The following CAST variants were observed in gnomAD, a reference collection of about 807,000 sequenced individuals.
The protein encoded by CAST is MIR583 host.
Under a neutral mutation model 119.6 loss-of-function variants are expected in CAST, and 76 were observed. The observed-to-expected ratio is 0.64, with a 90% confidence interval of 0.53 to 0.77. CAST has a LOEUF of 0.77. Among genes scored for constraint, CAST ranks in the 30% least tolerant of loss-of-function variants. The pLI is 0.00. For missense variants in CAST, 953 were observed against 946.5 expected (o/e 1.01, Z -0.09); for synonymous variants, 319 against 331.6 (o/e 0.96, Z 0.41).
chr5:96,042,999 T>C, the CAST span, among the ~76,000 whole-genome samples: 6 of 152,092 alleles, frequency 3.9e-5, no homozygotes, highest in Non-Finnish European at 8.8e-5. Context: ...CAATGCTGAG[T>C]ATATTGTATC....
At chr5:96,040,827 A>T in the CAST span, among the ~76,000 whole-genome samples, 2 of 152,090 alleles carry the variant, frequency 1.3e-5, no homozygotes, top group South Asian at 4.2e-4. Flanking sequence ...TTGGCCTAAA[A>T]TTCTCTTTTT....
rs144761339 is a variant in CAST at position 96,582,714 on chromosome 5, G to A, written c.60+52834G>A. On this transcript the variant is annotated intron_variant, in intron 1 of 11. Coordinates refer to the CAST transcript ENST00000505143. ...CAGAGTTGTTTCTGGGGCTCAGCAA[G>A]CATTTATTACAAGTGTTTAAAATAT... is the stretch of plus-strand genomic sequence containing the variant. 2.0e-4 allele frequency among the ~76,000 whole-genome samples: 31 copies of A among 152,226 alleles called. No individual in the cohort carries two copies. The East Asian group carries it at 5.6e-3, about 27-fold the overall frequency.
chr5:96,589,164 T>A (rs1350847246), intron 1 of CAST, among the ~76,000 whole-genome samples: 1 of 152,200 alleles, frequency 6.6e-6, no homozygotes, highest in Non-Finnish European at 1.5e-5. Context: ...AATGTCAAAC[T>A]CATTCCCCAC....
the CAST span, among the ~76,000 whole-genome samples, chr5:96,428,040 T>C: frequency 1.3e-5 from 2 of 151,358 alleles, no homozygotes; most frequent in South Asian, 4.2e-4. Flanking sequence ...CTGTCCGTGG[T>C]CCTAATACAG....
chr5:96,565,441 A>G (rs1746449236), intron 1 of CAST, among the ~76,000 whole-genome samples: 1 of 152,218 alleles, frequency 6.6e-6, no homozygotes, highest in Admixed American at 6.5e-5. Flanking sequence ...ATCACATGGC[A>G]TTATAAGCAT....
the CAST span, among the ~76,000 whole-genome samples, chr5:96,491,614 GTATT>G: frequency 1.3e-5 from 2 of 151,252 alleles, no homozygotes; most frequent in Non-Finnish European, 2.9e-5. Context: ...AAAACTGACG[GTATT>G]TATTTAAGTT....
chr5:96,202,150 TTAC>T, the CAST span, among the ~76,000 whole-genome samples: 1 of 152,064 alleles, frequency 6.6e-6, no homozygotes, highest in African/African-American at 2.4e-5. Context: ...ATCAGGCCAA[TTAC>T]TTTATCTTGA....
the CAST span, among the ~76,000 whole-genome samples, chr5:96,002,735 G>A: frequency 2.4e-4 from 36 of 152,272 alleles, no homozygotes; most frequent in Admixed American, 5.2e-4. Context: ...TGGATAAGGC[G>A]TTGTTAAACA....
the CAST span, among the ~76,000 whole-genome samples, chr5:96,260,859 A>T: frequency 1.3e-5 from 2 of 152,208 alleles, no homozygotes; most frequent in African/African-American, 4.8e-5. Flanking sequence ...AATGAATTCA[A>T]AGTTGACCAA....
intron 1 of CAST, among the ~76,000 whole-genome samples, chr5:96,648,769 T>C (rs1748056053): frequency 6.6e-6 from 1 of 151,022 alleles, no homozygotes; most frequent in Admixed American, 6.6e-5. Context: ...TCGTTCACAG[T>C]CACACAGCTA....
chr5:96,730,655 A>C, intron 8 of CAST, 125 bp from the exon 9 acceptor site: 1 of 712,474 alleles, frequency 1.4e-6, no homozygotes, highest in Non-Finnish European at 2.5e-6. Context: ...GAAGTGAGCA[A>C]ACATTCCCTT....
At chr5:96,680,326 G>T (rs1215342607) in intron 2 of CAST, among the ~76,000 whole-genome samples, 1 of 116,998 alleles carries the variant, frequency 8.5e-6, no homozygotes, top group Non-Finnish European at 1.6e-5. Flanking sequence ...CTGCACTCCA[G>T]CCTGGGCAAC....
intron 1 of CAST, among the ~76,000 whole-genome samples, chr5:96,608,814 C>T (rs550624003): frequency 6.6e-6 from 1 of 152,206 alleles, no homozygotes; most frequent in East Asian, 1.9e-4. Flanking sequence ...GGCACATCTT[C>T]CAAGGCCAGA....
intron 2 of CAST, among the ~76,000 whole-genome samples, chr5:96,689,086 TGGAG>T (rs1752416901): frequency 6.6e-6 from 1 of 152,116 alleles, no homozygotes; most frequent in Admixed American, 6.5e-5. Flanking sequence ...AAAGACAACT[TGGAG>T]GGCAAGAATA....
chr5:96,397,278 G>C, the CAST span: 1 of 1,475,558 alleles, frequency 6.8e-7, no homozygotes, highest in Non-Finnish European at 9.5e-7. Flanking sequence ...AACCTTAAAA[G>C]TGCTTCAAAA....
chr5:96,439,512 A>G, the CAST span, among the ~76,000 whole-genome samples: 1 of 152,200 alleles, frequency 6.6e-6, no homozygotes, highest in Admixed American at 6.5e-5. Context: ...TGGAAAATAA[A>G]AAAAGATTGC....
chr5:96,193,160 C>T, the CAST span, among the ~76,000 whole-genome samples: 1 of 151,796 alleles, frequency 6.6e-6, no homozygotes, highest in African/African-American at 2.4e-5. Context: ...TTCCTTTCTC[C>T]TTTTTTTTGT....
chr5:96,438,538 A>G, the CAST span, among the ~76,000 whole-genome samples: 4 of 152,098 alleles, frequency 2.6e-5, no homozygotes, highest in Non-Finnish European at 5.9e-5. Flanking sequence ...GAGGAGTACT[A>G]TTCAGTTATT....
At chr5:96,158,223 A>G in the CAST span, among the ~76,000 whole-genome samples, 1 of 152,246 alleles carries the variant, frequency 6.6e-6, no homozygotes, top group African/African-American at 2.4e-5. Context: ...AGGAGAGACC[A>G]TGAAAAGAGT....
Sources: gnomAD v4.1 joint callset for allele counts (sites outside exome capture counted in the v4.1 genomes callset) on GRCh38, gnomAD v4.1.1 for gene constraint, MANE v1.5 for transcripts, NCBI Gene and HGNC (gene_info 2026-07-23, HGNC 2026-07-21) for gene names.